ZNF722: variants seen among roughly 807,000 people sequenced by gnomAD.
The protein encoded by ZNF722 is zinc finger protein 722.
chr7:64,017,626 G>A, the ZNF722 span, among the ~76,000 whole-genome samples: 92 of 152,172 alleles, frequency 6.0e-4, no homozygotes, highest in Non-Finnish European at 1.1e-3. Context: ...GCCTAAACAT[G>A]TAATGAATGT....
chr7:64,014,397 T>G, the ZNF722 span, among the ~76,000 whole-genome samples: 1 of 152,098 alleles, frequency 6.6e-6, no homozygotes, highest in South Asian at 2.1e-4. Flanking sequence ...TGCCCAAATA[T>G]TTTGTATACA....
the ZNF722 span, among the ~76,000 whole-genome samples, chr7:64,004,438 A>ATATG: frequency 7.5e-6 from 1 of 133,608 alleles, no homozygotes; most frequent in Non-Finnish European, 1.6e-5. Context: ...ATATATATAT[A>ATATG]TATATATATA....
the ZNF722 span, among the ~76,000 whole-genome samples, chr7:64,013,918 A>G: frequency 2.0e-5 from 3 of 151,608 alleles, no homozygotes; most frequent in Admixed American, 6.6e-5. Context: ...TATTCTCACA[A>G]TGAAGATTCT....
chr7:64,003,122 T>TC, the ZNF722 span, among the ~76,000 whole-genome samples: 1 of 152,166 alleles, frequency 6.6e-6, no homozygotes, highest in African/African-American at 2.4e-5. Flanking sequence ...TAGTTCAACC[T>TC]TTGCATCAAA....
At chr7:64,015,894 G>A in the ZNF722 span, 4 of 1,550,888 alleles carry the variant, frequency 2.6e-6, no homozygotes, top group Non-Finnish European at 1.8e-6. Flanking sequence ...AATTCATACT[G>A]GAGAGAAACC....
the ZNF722 span, among the ~76,000 whole-genome samples, chr7:64,011,970 A>C: frequency 6.6e-6 from 1 of 151,412 alleles, no homozygotes; most frequent in East Asian, 1.9e-4. Flanking sequence ...TTTTCTCTAA[A>C]CTTCTCTTCT....
At chr7:64,015,493 G>A in the ZNF722 span, 1 of 1,612,594 alleles carries the variant, frequency 6.2e-7, no homozygotes, top group African/African-American at 1.3e-5. Context: ...CCCTACAGAT[G>A]TGAGGAATGT....
At chr7:64,005,530 G>T in the ZNF722 span, 1 of 659,902 alleles carries the variant, frequency 1.5e-6, no homozygotes, top group Non-Finnish European at 2.7e-6. Flanking sequence ...TTTTTAACTT[G>T]AGTCAAATAC....
chr7:64,013,995 T>G, the ZNF722 span, among the ~76,000 whole-genome samples: 5 of 152,138 alleles, frequency 3.3e-5, no homozygotes, highest in Admixed American at 2.6e-4. Context: ...ACAAATTCAC[T>G]GGTTGTCTCG....
the ZNF722 span, among the ~76,000 whole-genome samples, chr7:64,000,119 CTTTTT>C: frequency 2.1e-5 from 3 of 142,744 alleles, no homozygotes; most frequent in African/African-American, 7.9e-5. Context: ...TTTTCCCTTA[CTTTTT>C]TTTTTTTTTG....
chr7:64,001,402 C>T, the ZNF722 span, among the ~76,000 whole-genome samples: 1 of 152,178 alleles, frequency 6.6e-6, no homozygotes, highest in Non-Finnish European at 1.5e-5. Flanking sequence ...GCTCCATTGA[C>T]GTTGCTGCAA....
At chr7:64,009,152 A>T in the ZNF722 span, among the ~76,000 whole-genome samples, 7 of 152,162 alleles carry the variant, frequency 4.6e-5, no homozygotes, top group Non-Finnish European at 8.8e-5. Flanking sequence ...GGACTGAGAC[A>T]ATGGGGTTTT....
chr7:64,002,673 A>G, the ZNF722 span, among the ~76,000 whole-genome samples: 1 of 152,220 alleles, frequency 6.6e-6, no homozygotes, highest in African/African-American at 2.4e-5. Context: ...ATTAAATCAC[A>G]TTATGTGTTA....
the ZNF722 span, chr7:64,005,798 ATT>A: frequency 7.3e-7 from 1 of 1,366,298 alleles, no homozygotes; most frequent in Non-Finnish European, 1.0e-6. Context: ...TTCTAAGATG[ATT>A]TTGGTAATTT....
At chr7:64,001,450 T>C in the ZNF722 span, among the ~76,000 whole-genome samples, 4 of 152,230 alleles carry the variant, frequency 2.6e-5, no homozygotes, top group African/African-American at 4.8e-5. Flanking sequence ...CTGCATCATA[T>C]TTCATGGTGT....
chr7:64,007,230 G>GTGTATATATATA, the ZNF722 span, among the ~76,000 whole-genome samples: 1,511 of 138,258 alleles, frequency 0.011, 18 homozygotes, highest in Admixed American at 0.027. Flanking sequence ...GTTTGTGTGT[G>GTGTATATATATA]TATATATATA....
At chr7:64,003,545 C>T in the ZNF722 span, among the ~76,000 whole-genome samples, 1 of 152,120 alleles carries the variant, frequency 6.6e-6, no homozygotes, top group East Asian at 1.9e-4. Flanking sequence ...GTCCACTCTG[C>T]CTTTTGGAAT....
chr7:64,006,452 T>G, the ZNF722 span: 1 of 627,244 alleles, frequency 1.6e-6, no homozygotes, highest in Admixed American at 3.9e-5. Flanking sequence ...AGTCATTTTT[T>G]TCTTTTGCTC....
the ZNF722 span, among the ~76,000 whole-genome samples, chr7:64,006,722 A>G: frequency 6.6e-6 from 1 of 152,038 alleles, no homozygotes; most frequent in Non-Finnish European, 1.5e-5. Flanking sequence ...TTTCTGTTTC[A>G]TTGGTGGTTG....
Sources: gnomAD v4.1 joint callset for allele counts (sites outside exome capture counted in the v4.1 genomes callset) on GRCh38, gnomAD v4.1.1 for gene constraint, MANE v1.5 for transcripts, NCBI Gene and HGNC (gene_info 2026-07-23, HGNC 2026-07-21) for gene names.